Variants in GPHN observed in about 807,000 individuals in gnomAD.
GPHN encodes the protein gephyrin.
In GPHN, 17 loss-of-function variants were observed where a neutral mutation model predicts 95.5. The ratio of observed to expected loss-of-function variants is 0.18; its 90% CI spans 0.12 to 0.27. GPHN has a LOEUF of 0.27. GPHN is among the 10% of genes least tolerant of loss of function. GPHN has a pLI of 1.00. For missense variants in GPHN, 660 were observed against 978.1 expected (o/e 0.67, Z 4.34); for synonymous variants, 320 against 322.5 (o/e 0.99, Z 0.08).
the GPHN span, among the ~76,000 whole-genome samples, chr14:67,347,925 T>G: frequency 1.3e-5 from 2 of 152,044 alleles, no homozygotes; most frequent in African/African-American, 4.8e-5. Context: ...TCTTTTTTTT[T>G]TTTTGAGACA....
chr14:66,812,618 A>G (rs2060807306), intron 3 of GPHN, among the ~76,000 whole-genome samples: 1 of 152,226 alleles, frequency 6.6e-6, no homozygotes, highest in Admixed American at 6.5e-5. Flanking sequence ...AAATTTAAGA[A>G]GTGAAAAAGA....
chr14:67,124,793 A>T (rs937739202), intron 17 of GPHN, among the ~76,000 whole-genome samples: 1 of 146,568 alleles, frequency 6.8e-6, no homozygotes, highest in Non-Finnish European at 1.5e-5. Flanking sequence ...AATTCTGCCC[A>T]TTCTCCCTCT....
chr14:67,052,209 G>A lies in GPHN; in HGVS notation c.1007-6440G>A, dbSNP rs142248383. On this transcript the variant is annotated intron_variant, in intron 10 of 22. Transcript: ENST00000478722. Reference sequence around the variant, plus strand: ...ACCCATCAATGTGCTGTATTAAAGAGACCCATCTCATGTGCAAAGACACAC... The same window carrying A: ...ACCCATCAATGTGCTGTATTAAAGAAACCCATCTCATGTGCAAAGACACAC... Among the ~76,000 whole-genome samples, 452 of 152,188 alleles carry A rather than the reference G, an allele frequency of 3.0e-3. 3 individuals carry two copies. The highest frequency in any genetic ancestry group is 0.01 in the African/African-American group (434 of 41,528).
chr14:67,232,799 C>T, the GPHN span, among the ~76,000 whole-genome samples: 1 of 152,284 alleles, frequency 6.6e-6, no homozygotes, highest in South Asian at 2.1e-4. Context: ...CTCAGCTCTC[C>T]AGTGCCCTGA....
At chr14:67,322,886 GA>G in the GPHN span, among the ~76,000 whole-genome samples, 1 of 152,160 alleles carries the variant, frequency 6.6e-6, no homozygotes, top group Non-Finnish European at 1.5e-5. Flanking sequence ...GTAATCAAGT[GA>G]AAACTGCAAT....
chr14:67,173,412 C>T lies in GPHN; in HGVS notation c.2079+4376C>T, dbSNP rs577007900. On this transcript the variant is annotated intron_variant, in intron 21 of 22. Transcript: ENST00000478722. ...CCACCACCACCACCACTTCCACAAA[C>T]TTCTGTGGACTACGTAACTGAGGCA... is the stretch of plus-strand genomic sequence containing the variant. Among the ~76,000 whole-genome samples the T allele has an allele frequency of 2.0e-5, 3 of 152,284 alleles. No homozygotes were observed. In the South Asian group the frequency reaches 6.2e-4, roughly 32 times the overall value.
chr14:66,804,533 G>T (rs1410191746), intron 3 of GPHN, among the ~76,000 whole-genome samples: 1 of 152,104 alleles, frequency 6.6e-6, no homozygotes, highest in African/African-American at 2.4e-5. Context: ...CATGAGCTTG[G>T]GTTTATTCAA....
the GPHN span, among the ~76,000 whole-genome samples, chr14:67,507,914 A>G: frequency 0.024 from 3,693 of 152,078 alleles, 153 homozygotes; most frequent in African/African-American, 0.085. Context: ...TGAGGCCGGC[A>G]GTTCACCTGA....
chr14:67,225,970 C>T, the GPHN span, among the ~76,000 whole-genome samples: 21,151 of 104,786 alleles, frequency 0.2, 2,798 homozygotes, highest in East Asian at 0.46. Flanking sequence ...TGTGCGCGCG[C>T]GCGCGTGCGC....
chr14:67,674,429 G>A, the GPHN span: 2 of 1,609,358 alleles, frequency 1.2e-6, no homozygotes, highest in Non-Finnish European at 1.7e-6. Context: ...TCTTCATGGA[G>A]GCCGCGGAAG....
the GPHN span, chr14:67,376,586 G>C: frequency 6.2e-7 from 1 of 1,613,340 alleles, no homozygotes; most frequent in Non-Finnish European, 8.5e-7. Flanking sequence ...TAAGCATGCA[G>C]TCTCGTAAGA....
At chr14:67,603,997 T>TTTG in the GPHN span, among the ~76,000 whole-genome samples, 1 of 126,946 alleles carries the variant, frequency 7.9e-6, no homozygotes, top group African/African-American at 3.0e-5. Flanking sequence ...TTGTTTTTTG[T>TTTG]TTTTGTTTTT....
intron 12 of GPHN, among the ~76,000 whole-genome samples, chr14:67,094,742 A>C (rs554863229): frequency 6.6e-6 from 1 of 152,222 alleles, no homozygotes; most frequent in Non-Finnish European, 1.5e-5. Context: ...AGACTCTTAC[A>C]TGATGGTGGT....
At chr14:67,707,445 T>C in the GPHN span, among the ~76,000 whole-genome samples, 5 of 152,210 alleles carry the variant, frequency 3.3e-5, no homozygotes, top group Non-Finnish European at 2.9e-5. Flanking sequence ...TATATATTTT[T>C]TGAGATGGAG....
chr14:66,534,229 C>CA (rs1180887392), intron 1 of GPHN, among the ~76,000 whole-genome samples: 3 of 152,108 alleles, frequency 2.0e-5, no homozygotes, highest in Non-Finnish European at 4.4e-5. Context: ...ACACTCAGAT[C>CA]AAGATGTAGA....
chr14:67,569,949 T>C, the GPHN span: 4 of 1,610,038 alleles, frequency 2.5e-6, no homozygotes, highest in South Asian at 1.1e-5. Flanking sequence ...TTGTTTCCCC[T>C]GGGTCTTTCT....
At chr14:67,206,887 G>A in the GPHN span, among the ~76,000 whole-genome samples, 1 of 151,830 alleles carries the variant, frequency 6.6e-6, no homozygotes, top group Non-Finnish European at 1.5e-5. Flanking sequence ...CCCACCACAC[G>A]CCCAGTTAAT....
the GPHN span, among the ~76,000 whole-genome samples, chr14:67,325,979 C>CTTTTTTTTTTTTTT: frequency 2.0e-4 from 22 of 110,212 alleles, no homozygotes; most frequent in African/African-American, 7.0e-4. Flanking sequence ...CGGCTCTTTT[C>CTTTTTTTTTTTTTT]TTTTTTTTTT....
At chr14:67,584,896 A>G in the GPHN span, among the ~76,000 whole-genome samples, 18 of 152,356 alleles carry the variant, frequency 1.2e-4, no homozygotes, top group South Asian at 3.5e-3. Flanking sequence ...ATAAAGGCAT[A>G]TAACAGGGAC....
Sources: gnomAD v4.1 joint callset for allele counts (sites outside exome capture counted in the v4.1 genomes callset) on GRCh38, gnomAD v4.1.1 for gene constraint, MANE v1.5 for transcripts, NCBI Gene and HGNC (gene_info 2026-07-23, HGNC 2026-07-21) for gene names.